The following BTBD9 variants were observed in gnomAD, a reference collection of about 807,000 sequenced individuals.
BTBD9 encodes the protein BTB/POZ domain-containing protein 9.
A neutral mutation model predicts 64.3 loss-of-function variants in BTBD9; 49 were observed. That is an observed-to-expected ratio of 0.76 (90% CI 0.61 to 0.97). BTBD9 has a LOEUF of 0.97. Among genes scored for constraint, BTBD9 ranks in the 50% least tolerant of loss-of-function variants. BTBD9 has a pLI of 0.00. For synonymous variants in BTBD9, 260 were observed against 274.7 expected (o/e 0.95, Z 0.53); for missense variants, 598 against 762.1 (o/e 0.78, Z 2.53).
chr6:38,321,329 A>G (rs1314432623), intron 7 of BTBD9, among the ~76,000 whole-genome samples: 1 of 152,186 alleles, frequency 6.6e-6, no homozygotes, highest in Non-Finnish European at 1.5e-5. Context: ...GAGAGGAGAG[A>G]AAGAAGGAAA....
At chr6:38,211,495 C>A (rs1335327376) in intron 9 of BTBD9, among the ~76,000 whole-genome samples, 1 of 151,206 alleles carries the variant, frequency 6.6e-6, no homozygotes, top group Non-Finnish European at 1.5e-5. Context: ...ATAATCCCAG[C>A]ACTGTGAGAG....
intron 4 of BTBD9, chr6:38,587,900 G>A: frequency 1.4e-6 from 1 of 723,722 alleles, no homozygotes; most frequent in South Asian, 1.4e-5. Flanking sequence ...CTTAACAGAT[G>A]ATCAGGTTTC....
chr6:38,492,794 T>C (rs529988360), intron 6 of BTBD9, among the ~76,000 whole-genome samples: 15 of 152,322 alleles, frequency 9.8e-5, no homozygotes, highest in Admixed American at 9.8e-4. Context: ...CATTTTGCTC[T>C]AAATTAAATG....
rs772660469 is a variant in BTBD9 at position 38,222,917 on chromosome 6, A to T, written c.1563-30320T>A. ...AAGGTTTTATTTTATTTATTTATTT[A>T]TTTTTTAAGATGGAGTTTTGTTCTT... On this transcript the variant is annotated intron_variant, in intron 9 of 10. Transcript: ENST00000481247. Among the ~76,000 whole-genome samples the T allele has an allele frequency of 2.1e-3, 317 of 152,128 alleles. 1 individual carries two copies. Among genetic ancestry groups the T allele is most frequent in the Non-Finnish European group, 3.5e-3 (241 of 67,976 alleles).
At chr6:38,327,641 C>T (rs955984840) in intron 7 of BTBD9, among the ~76,000 whole-genome samples, 6 of 152,202 alleles carry the variant, frequency 3.9e-5, no homozygotes, top group Non-Finnish European at 5.9e-5. Context: ...TATATGTAGA[C>T]ACTCGTGAAA....
At chr6:38,592,135 T>C (rs1776821720) in intron 4 of BTBD9, among the ~76,000 whole-genome samples, 1 of 151,368 alleles carries the variant, frequency 6.6e-6, no homozygotes, top group African/African-American at 2.4e-5. Flanking sequence ...TGAGCCGAGA[T>C]TGCAACTTCC....
intron 6 of BTBD9, among the ~76,000 whole-genome samples, chr6:38,541,573 C>G (rs150710250): frequency 1.3e-5 from 2 of 152,176 alleles, no homozygotes; most frequent in Non-Finnish European, 2.9e-5. Flanking sequence ...CCCGTCTCTA[C>G]TAAAAATACA....
At chr6:38,252,520 T>C (rs1175639827) in intron 9 of BTBD9, among the ~76,000 whole-genome samples, 2 of 152,258 alleles carry the variant, frequency 1.3e-5, no homozygotes, top group African/African-American at 2.4e-5. Context: ...ACAGGCATAT[T>C]TGCCTTCTTA....
chr6:38,554,969 A>G (rs1774953074), intron 6 of BTBD9, among the ~76,000 whole-genome samples: 1 of 152,206 alleles, frequency 6.6e-6, no homozygotes. Flanking sequence ...AGTGTGAGTA[A>G]CATCAAAGCT....
At chr6:38,304,112 T>C (rs535644665) in intron 7 of BTBD9, among the ~76,000 whole-genome samples, 2 of 151,838 alleles carry the variant, frequency 1.3e-5, no homozygotes, top group East Asian at 3.9e-4. Context: ...TATGTATATA[T>C]ATCAGTGATA....
At chr6:38,228,822 T>C (rs1763501176) in intron 9 of BTBD9, among the ~76,000 whole-genome samples, 1 of 150,940 alleles carries the variant, frequency 6.6e-6, no homozygotes, top group Non-Finnish European at 1.5e-5. Context: ...TGTAGTGAGC[T>C]GAGATCGTGC....
At chr6:38,595,290 C>G (rs1361492963) in intron 2 of BTBD9, among the ~76,000 whole-genome samples, 2 of 152,158 alleles carry the variant, frequency 1.3e-5, no homozygotes, top group African/African-American at 4.8e-5. Context: ...GAGACAAAGA[C>G]TTTCATCTGT....
At chr6:38,188,402 C>T (rs936278092) in intron 10 of BTBD9, among the ~76,000 whole-genome samples, 9 of 152,248 alleles carry the variant, frequency 5.9e-5, no homozygotes, top group Non-Finnish European at 1.3e-4. Context: ...CGCTTCCCCA[C>T]CAGTCCCTGC....
chr6:38,593,826 G>C (rs1776918311), intron 3 of BTBD9, 138 bp downstream of exon 3: 1 of 752,676 alleles, frequency 1.3e-6, no homozygotes, highest in African/African-American at 1.8e-5. Context: ...GATGCAAGTG[G>C]CTAGACCAGA....
intron 6 of BTBD9, among the ~76,000 whole-genome samples, chr6:38,350,838 G>A (rs1176914457): frequency 6.6e-6 from 1 of 152,206 alleles, no homozygotes; most frequent in Non-Finnish European, 1.5e-5. Flanking sequence ...ATCACCCAAG[G>A]TTTAGATGCA....
intron 6 of BTBD9, among the ~76,000 whole-genome samples, chr6:38,418,993 A>G (rs1767793217): frequency 1.3e-5 from 2 of 152,246 alleles, no homozygotes; most frequent in Admixed American, 1.3e-4. Flanking sequence ...AGATACAACT[A>G]TGATAACCAC....
chr6:38,250,741 A>G (rs1764363442), intron 9 of BTBD9, among the ~76,000 whole-genome samples: 1 of 152,210 alleles, frequency 6.6e-6, no homozygotes. Flanking sequence ...AACGTAGTAA[A>G]GAGTCGAGAA....
At chr6:38,511,023 A>G (rs139604465) in intron 6 of BTBD9, among the ~76,000 whole-genome samples, 65 of 152,358 alleles carry the variant, frequency 4.3e-4, no homozygotes, top group African/African-American at 1.5e-3. Context: ...GGTTGCTTAC[A>G]CCAGCATCAC....
intron 6 of BTBD9, among the ~76,000 whole-genome samples, chr6:38,562,230 G>T (rs1455387314): frequency 6.6e-6 from 1 of 152,166 alleles, no homozygotes; most frequent in African/African-American, 2.4e-5. Context: ...ACAAAATGGA[G>T]ATGTGTCTTA....
Sources: allele counts gnomAD v4.1 joint callset (sites outside exome capture counted in the v4.1 genomes callset), GRCh38; gene constraint gnomAD v4.1.1; transcripts MANE v1.5; gene names NCBI Gene and HGNC (gene_info 2026-07-23, HGNC 2026-07-21).